The following EPHA6 variants were observed in gnomAD, a reference collection of about 807,000 sequenced individuals.
EPHA6 encodes ephrin type-A receptor 6.
In EPHA6, 50 loss-of-function variants were observed where a neutral mutation model predicts 112.0. That is an observed-to-expected ratio of 0.45 (90% CI 0.36 to 0.56). The LOEUF is 0.56. Ranked by LOEUF, EPHA6 falls within the 20% of genes least tolerant of loss-of-function variation. The pLI, the probability that EPHA6 is intolerant of heterozygous loss-of-function variation, is 0.00. For synonymous variants in EPHA6, 529 were observed against 490.7 expected, an observed-to-expected ratio of 1.08 and a Z score of -1.03; for missense variants, 1,280 against 1,417.4, an observed-to-expected ratio of 0.90 and a Z score of 1.56.
chr3:97,545,142 T>G (rs2092926614), intron 11 of EPHA6, among the ~76,000 whole-genome samples: 1 of 152,204 alleles, frequency 6.6e-6, no homozygotes, highest in African/African-American at 2.4e-5. Context: ...TTCTAGTTCT[T>G]TTAATTGTGA....
chr3:97,395,226 C>CAT (rs1027467628), intron 5 of EPHA6, among the ~76,000 whole-genome samples: 2 of 151,554 alleles, frequency 1.3e-5, no homozygotes, highest in African/African-American at 2.4e-5. Context: ...GTTTCAACCA[C>CAT]ATGCAGGAAA....
rs1026438677 is a variant in EPHA6 at position 97,750,239 on chromosome 3, T to G, written c.*1538T>G. 6.6e-6 allele frequency among the ~76,000 whole-genome samples: 1 copy of G among 151,964 alleles called. No homozygotes were observed. Among genetic ancestry groups the G allele is most frequent in the Non-Finnish European group, 1.5e-5 (1 of 67,972 alleles). The stretch of plus-strand genomic sequence containing the variant: ...TTTTGTTGGATCTCAGTGATAATGG[T>G]GCCCTACCTACCCTAATTCTCAAAT... On this transcript the variant is annotated 3_prime_UTR_variant, in exon 18 of 18. Coordinates refer to ENST00000389672, the MANE Select transcript of EPHA6 (RefSeq NM_001080448.3).
intron 3 of EPHA6, among the ~76,000 whole-genome samples, chr3:97,075,631 A>G (rs2046492484): frequency 1.3e-5 from 2 of 151,716 alleles, no homozygotes; most frequent in South Asian, 4.1e-4. Context: ...TCCCCTTTTT[A>G]TTGCAACAAG....
intron 5 of EPHA6, among the ~76,000 whole-genome samples, chr3:97,248,978 CCTCA>C (rs1421074551): frequency 2.0e-5 from 3 of 151,774 alleles, no homozygotes; most frequent in Non-Finnish European, 4.4e-5. Flanking sequence ...CTCTCACAGT[CCTCA>C]CTGTGTTTTC....
intron 3 of EPHA6, among the ~76,000 whole-genome samples, chr3:97,210,526 A>G (rs1267394586): frequency 6.6e-6 from 1 of 152,168 alleles, no homozygotes; most frequent in Non-Finnish European, 1.5e-5. Context: ...GCCAAACCAT[A>G]TCACTCACCA....
intron 3 of EPHA6, among the ~76,000 whole-genome samples, chr3:97,202,262 T>C (rs1291632718): frequency 2.0e-5 from 3 of 152,076 alleles, no homozygotes; most frequent in African/African-American, 7.2e-5. Flanking sequence ...ATATTAAAAT[T>C]GATAACACTC....
intron 14 of EPHA6, among the ~76,000 whole-genome samples, chr3:97,651,660 T>C (rs576362491): frequency 1.3e-5 from 2 of 152,106 alleles, no homozygotes; most frequent in South Asian, 2.1e-4. Flanking sequence ...ACATTCAGCA[T>C]TGTCTAATTC....
chr3:96,894,825 A>T (rs1362540978), intron 2 of EPHA6, among the ~76,000 whole-genome samples: 2 of 152,156 alleles, frequency 1.3e-5, no homozygotes, highest in African/African-American at 4.8e-5. Context: ...AACAAAAGCA[A>T]AGGAAAGTGC....
At chr3:97,451,861 T>C (rs1317231135) in intron 7 of EPHA6, among the ~76,000 whole-genome samples, 1 of 151,918 alleles carries the variant, frequency 6.6e-6, no homozygotes, top group Non-Finnish European at 1.5e-5. Flanking sequence ...TTCTCTCTTG[T>C]GTATTCCACT....
chr3:97,451,174 A>G (rs1261150020), intron 7 of EPHA6, among the ~76,000 whole-genome samples: 1 of 152,042 alleles, frequency 6.6e-6, no homozygotes, highest in East Asian at 1.9e-4. Flanking sequence ...GGATATTTGC[A>G]TGTATCCAGA....
At chr3:97,540,282 C>T (rs1008539456) in intron 11 of EPHA6, among the ~76,000 whole-genome samples, 4 of 152,082 alleles carry the variant, frequency 2.6e-5, no homozygotes, top group African/African-American at 9.7e-5. Context: ...GAACTATTTG[C>T]CATGTGGAAT....
chr3:96,979,025 A>G (rs1270106803), intron 2 of EPHA6, among the ~76,000 whole-genome samples: 1 of 152,178 alleles, frequency 6.6e-6, no homozygotes, highest in East Asian at 1.9e-4. Flanking sequence ...ATATGAAGTG[A>G]TGAAGATACT....
chr3:97,034,688 C>T (rs1220965328), intron 3 of EPHA6, among the ~76,000 whole-genome samples: 1 of 151,862 alleles, frequency 6.6e-6, no homozygotes, highest in East Asian at 1.9e-4. Flanking sequence ...AGCATATTGC[C>T]TATACCAGTT....
At chr3:97,641,364 T>C (rs762846417) in intron 14 of EPHA6, among the ~76,000 whole-genome samples, 2 of 152,104 alleles carry the variant, frequency 1.3e-5, no homozygotes, top group Admixed American at 6.5e-5. Context: ...AAGATACAAG[T>C]CAATTCAAGC....
chr3:97,569,588 T>TGG (rs2093310305), intron 11 of EPHA6, among the ~76,000 whole-genome samples: 1 of 152,220 alleles, frequency 6.6e-6, no homozygotes, highest in Non-Finnish European at 1.5e-5. Context: ...ACTGAACATA[T>TGG]ATTTATATTA....
At chr3:97,442,629 A>G (rs1202904686) in intron 6 of EPHA6, among the ~76,000 whole-genome samples, 1 of 152,194 alleles carries the variant, frequency 6.6e-6, no homozygotes, top group East Asian at 1.9e-4. Context: ...TTAAATATAC[A>G]GAAGTCTGCC....
chr3:97,520,314 C>A (rs932609983), intron 10 of EPHA6, among the ~76,000 whole-genome samples: 1 of 152,066 alleles, frequency 6.6e-6, no homozygotes, highest in Non-Finnish European at 1.5e-5. Context: ...GGGTTTTATA[C>A]GTTCATGTGT....
chr3:96,976,528 A>T (rs758547976), intron 2 of EPHA6, among the ~76,000 whole-genome samples: 1 of 152,190 alleles, frequency 6.6e-6, no homozygotes, highest in Non-Finnish European at 1.5e-5. Context: ...TGTTTACACT[A>T]ACTACCTAAT....
chr3:97,506,981 T>C (rs1218136290), intron 10 of EPHA6, among the ~76,000 whole-genome samples: 1 of 152,150 alleles, frequency 6.6e-6, no homozygotes, highest in Non-Finnish European at 1.5e-5. Flanking sequence ...ATTATTGGTG[T>C]AGAGGAATGC....
Sources: gnomAD v4.1 joint callset for allele counts (sites outside exome capture counted in the v4.1 genomes callset) on GRCh38, gnomAD v4.1.1 for gene constraint, MANE v1.5 for transcripts, NCBI Gene and HGNC (gene_info 2026-07-23, HGNC 2026-07-21) for gene names.